PPP1CB: variants seen among roughly 807,000 people sequenced by gnomAD.
PPP1CB encodes serine/threonine-protein phosphatase PP1-beta catalytic subunit.
PPP1CB carries 2 observed loss-of-function variants against 43.7 expected under a neutral mutation model. The observed-to-expected ratio is 0.05, with a 90% CI of 0.02 to 0.14. PPP1CB has a LOEUF of 0.14. Among genes scored for constraint, PPP1CB ranks in the 10% least tolerant of loss-of-function variants. The probability of loss-of-function intolerance (pLI) is 1.00; values close to 1 mark genes in which losing one functional copy is unlikely to be tolerated. For synonymous variants in PPP1CB, 136 were observed against 135.6 expected, an observed-to-expected ratio of 1.00 and a Z score of -0.02; for missense variants, 84 against 398.0, an observed-to-expected ratio of 0.21 and a Z score of 6.71.
rs535096006 is a variant in PPP1CB, at chr2:28,784,070, A to G, written c.592+92A>G. 4.8e-4 allele frequency: 465 copies of G among 961,428 alleles called. 3 individuals are homozygous for G. The highest frequency in any genetic ancestry group is 3.0e-3 in the Middle Eastern group (13 of 4,316). 59.6% of individuals were successfully genotyped at this position (961,428 alleles called of 1,614,324 possible). A position where few individuals can be genotyped will look rare whatever the true frequency, so the allele number is the denominator to read the frequency against. The stretch of plus-strand genomic sequence containing the variant: ...AGTGGAAGTAGGATTGGCTTATGTA[A>G]TAAATAAAAGAGCTTTTTTCATAGT... On this transcript the variant is annotated intron_variant, in intron 5 of 7. Transcript: ENST00000395366.
intron 7 of PPP1CB, among the ~76,000 whole-genome samples, chr2:28,798,327 T>A (rs757466996): frequency 3.3e-5 from 5 of 152,120 alleles, no homozygotes; most frequent in Non-Finnish European, 7.4e-5. Flanking sequence ...AGTTCTCATA[T>A]GATGCAGCAG....
In PPP1CB at chr2:28,792,610, T is replaced by C. The variant is rs374052808; in HGVS notation, c.745-1253T>C. Among the ~76,000 whole-genome samples the C allele has an allele frequency of 1.4e-4, 22 of 152,298 alleles. 1 individual carries two copies. In the East Asian group the frequency reaches 2.9e-3, roughly 20 times the overall value. On this transcript the variant is annotated intron_variant, in intron 6 of 7. Transcript: ENST00000395366. ...GGTCACAGGGATTAGATAAGGTGGC[T>C]ATGGTCTTAGGAGAAAAGGTTCATC...
intron 5 of PPP1CB, among the ~76,000 whole-genome samples, chr2:28,787,035 A>G (rs1056911168): frequency 6.6e-6 from 1 of 152,200 alleles, no homozygotes; most frequent in Non-Finnish European, 1.5e-5. Flanking sequence ...CTAATTCTAC[A>G]AATGGTTTTA....
At chr2:28,769,304 T>A (rs1471683950) in intron 1 of PPP1CB, among the ~76,000 whole-genome samples, 2 of 152,214 alleles carry the variant, frequency 1.3e-5, no homozygotes, top group Non-Finnish European at 2.9e-5. Flanking sequence ...TGGCGTGATC[T>A]TGGCTAACTG....
chr2:28,781,727 T>C lies in PPP1CB; in HGVS notation c.416-11T>C. 6.4e-7 allele frequency: 1 copy of C among 1,571,250 alleles called. No individual in the cohort carries two copies. Among genetic ancestry groups the C allele is most frequent in the Non-Finnish European group, 8.7e-7 (1 of 1,149,736 alleles). ...AGATTTTTTAATTTATTCTATCTGT[T>C]CTTTTTACAGGCAAACGAAGATTTA... On this transcript the variant is annotated splice_polypyrimidine_tract_variant and intron_variant, in intron 3 of 7. Transcript: ENST00000395366.
At chr2:28,786,760 G>T (rs1238971206) in intron 5 of PPP1CB, among the ~76,000 whole-genome samples, 1 of 111,380 alleles carries the variant, frequency 9.0e-6, no homozygotes, top group African/African-American at 3.4e-5. Flanking sequence ...GGGTAACAGA[G>T]CGAGACTCCG....
intron 7 of PPP1CB, among the ~76,000 whole-genome samples, chr2:28,797,625 G>A (rs1479609583): frequency 6.6e-6 from 1 of 152,100 alleles, no homozygotes; most frequent in African/African-American, 2.4e-5. Flanking sequence ...CCTAGTTTGT[G>A]TGCACAGGTG....
Position 28,788,777 on chromosome 2 carries a change from C to A in PPP1CB, c.712C>A (p.His238Asn). Residue 238 changes from histidine (H) to asparagine (N), a missense_variant, in exon 6 of 8, where the codon CAT (histidine) becomes AAT (asparagine). By Grantham distance (68) the His-to-Asn change is moderately conservative. This residue lies in a region of PPP1CB where 11 missense variants were observed against 17.3 expected (regional missense o/e 0.64). Transcript: ENST00000395366. ...TGTAGTCAGTAAATTTCTGAATCGT[C>A]ATGATTTAGATTTGATTTGTCGAGC... ...ADVVSKFLNR[H>N]DLDLICRAHQ... 1 of 1,612,258 alleles carries A rather than the reference C, an allele frequency of 6.2e-7. No homozygotes were observed. Among genetic ancestry groups the A allele is most frequent in the Non-Finnish European group, 8.5e-7 (1 of 1,179,564 alleles).
At chr2:28,779,550 T>G (rs1667106294) in intron 3 of PPP1CB, among the ~76,000 whole-genome samples, 2 of 152,218 alleles carry the variant, frequency 1.3e-5, no homozygotes, top group African/African-American at 4.8e-5. Context: ...TTTTCATTAG[T>G]AGGAAATCAA....
rs549525545 is a variant in PPP1CB at position 28,755,852 on chromosome 2, C to T, written c.52+3676C>T. ...CAGGTATTTAAAAACTGGGATGTGC[C>T]AGTTGATATAGTATGTCTATTATGT... is the stretch of plus-strand genomic sequence containing the variant. On this transcript the variant is annotated intron_variant, in intron 1 of 7. Transcript: ENST00000395366. 6.6e-5 allele frequency among the ~76,000 whole-genome samples: 10 copies of T among 152,196 alleles called. No homozygotes were observed. In the South Asian group the frequency reaches 1.0e-3, roughly 16 times the overall value.
intron 1 of PPP1CB, among the ~76,000 whole-genome samples, chr2:28,754,526 C>T (rs1287467475): frequency 6.6e-6 from 1 of 152,176 alleles, no homozygotes; most frequent in Non-Finnish European, 1.5e-5. Context: ...TCCTCTCTGT[C>T]CTATGTTCAG....
intron 3 of PPP1CB, among the ~76,000 whole-genome samples, chr2:28,779,409 A>G (rs921736416): frequency 6.6e-6 from 1 of 152,200 alleles, no homozygotes; most frequent in African/African-American, 2.4e-5. Context: ...CCTGTGTCAC[A>G]AGAATTATTG....
chr2:28,771,619 C>T (rs183996153), intron 1 of PPP1CB, among the ~76,000 whole-genome samples: 4 of 152,204 alleles, frequency 2.6e-5, no homozygotes, highest in East Asian at 1.9e-4. Flanking sequence ...GCTGCCATTG[C>T]GGTTCAGTGG....
At position 28,787,487 on chromosome 2, in the gene PPP1CB, C is replaced by T. The variant is rs532450298; in HGVS notation, c.593-1171C>T. On this transcript the variant is annotated intron_variant, in intron 5 of 7. Coordinates refer to ENST00000395366, the MANE Select transcript of PPP1CB (RefSeq NM_002709.3). ...AAAATATATATGTATCTTCTCTTAG[C>T]CACTGCAATTCTTAGAAAATCACCA... Among the ~76,000 whole-genome samples, 151 of 152,208 alleles carry T rather than the reference C, an allele frequency of 9.9e-4. 1 individual carries two copies. The highest frequency in any genetic ancestry group is 3.5e-3 in the African/African-American group (146 of 41,552).
intron 5 of PPP1CB, among the ~76,000 whole-genome samples, chr2:28,787,222 G>T (rs971934735): frequency 1.3e-5 from 2 of 152,090 alleles, no homozygotes; most frequent in African/African-American, 4.8e-5. Flanking sequence ...CACTCTGGGA[G>T]GCCGAAGCGG....
intron 1 of PPP1CB, among the ~76,000 whole-genome samples, chr2:28,761,465 A>T (rs1326453948): frequency 6.6e-6 from 1 of 152,206 alleles, no homozygotes; most frequent in Non-Finnish European, 1.5e-5. Context: ...ATATGATAGT[A>T]AGTGCCTTCA....
At chr2:28,785,065 CTTTTTTTT>C (rs769650329) in intron 5 of PPP1CB, among the ~76,000 whole-genome samples, 20 of 54,994 alleles carry the variant, frequency 3.6e-4, no homozygotes, top group Non-Finnish European at 5.2e-4. Flanking sequence ...GTGTTAGGAG[CTTTTTTTT>C]TTTTTTTTTT....
Position 28,752,067 on chromosome 2 carries a change from C to T in PPP1CB, c.-58C>T, listed in dbSNP as rs1261201180. Reference sequence around the variant, plus strand: ...GAGAACGCCGAGCCGTCGCCGCAGCCTCCGCCGCCGAGAAGCCCTTGTTCC... The same window carrying T: ...GAGAACGCCGAGCCGTCGCCGCAGCTTCCGCCGCCGAGAAGCCCTTGTTCC... On this transcript the variant is annotated 5_prime_UTR_variant, in exon 1 of 8. Transcript: ENST00000395366. 30 of 1,520,974 alleles carry T rather than the reference C, an allele frequency of 2.0e-5. No individual in the cohort carries two copies. The highest frequency in any genetic ancestry group is 4.2e-5 in the African/African-American group (3 of 72,198). The allele number at this position is 1,520,974 out of a possible 1,614,324, so 94.2% of individuals were successfully genotyped here. A position where few individuals can be genotyped will look rare whatever the true frequency, so the allele number is the denominator to read the frequency against.
At chr2:28,773,151 G>T (rs1284460009) in intron 1 of PPP1CB, among the ~76,000 whole-genome samples, 1 of 152,094 alleles carries the variant, frequency 6.6e-6, no homozygotes, top group Non-Finnish European at 1.5e-5. Context: ...TTTAAAATTC[G>T]TTGAGTTACA....
Sources: allele counts gnomAD v4.1 joint callset (sites outside exome capture counted in the v4.1 genomes callset), GRCh38; gene constraint gnomAD v4.1.1; regional missense constraint gnomAD v4.1.1; transcripts MANE v1.5; gene names NCBI Gene and HGNC (gene_info 2026-07-23, HGNC 2026-07-21).